SNRNP70: variants seen among roughly 807,000 people sequenced by gnomAD.
SNRNP70 encodes U1 small nuclear ribonucleoprotein 70 kDa.
SNRNP70 carries 8 observed loss-of-function variants against 50.5 expected under a neutral mutation model. That is an observed-to-expected ratio of 0.16 (90% CI 0.09 to 0.29). The LOEUF (loss-of-function observed/expected upper bound fraction) is 0.29. Among genes scored for constraint, SNRNP70 ranks in the 10% least tolerant of loss-of-function variants. The pLI is 1.00. For missense variants in SNRNP70, 529 were observed against 663.5 expected (o/e 0.80, Z 2.23); for synonymous variants, 320 against 252.9 (o/e 1.27, Z -2.52).
chr19:49,101,874 C>A lies in SNRNP70; in HGVS notation c.475+403C>A, dbSNP rs537688045. On this transcript the variant is annotated intron_variant, in intron 7 of 9. Coordinates refer to ENST00000598441, the MANE Select transcript of SNRNP70 (RefSeq NM_003089.6). ...CCTTTGAACCTGCCCTCTCTTCCCCCCCCAGTAGAACTGGGGCTGGGCCAC... is the reference window on the plus strand; with the variant it reads ...CCTTTGAACCTGCCCTCTCTTCCCCACCCAGTAGAACTGGGGCTGGGCCAC... 5.9e-5 allele frequency among the ~76,000 whole-genome samples: 9 copies of A among 152,082 alleles called. No homozygotes were observed. In the South Asian group the frequency reaches 1.7e-3, roughly 28 times the overall value.
intron 4 of SNRNP70, among the ~76,000 whole-genome samples, chr19:49,092,734 A>G (rs1428646134): frequency 6.6e-6 from 1 of 152,008 alleles, no homozygotes; most frequent in African/African-American, 2.4e-5. Context: ...TTAACCAACC[A>G]CATCCACTGT....
chr19:49,102,250 A>G, intron 7 of SNRNP70: 1 of 1,161,450 alleles, frequency 8.6e-7, no homozygotes, highest in Non-Finnish European at 1.1e-6. Flanking sequence ...GCAGCTCAGG[A>G]GCAGCGAGGC....
At chr19:49,092,184 C>G (rs1280764541) in intron 4 of SNRNP70, among the ~76,000 whole-genome samples, 2 of 152,202 alleles carry the variant, frequency 1.3e-5, no homozygotes, top group East Asian at 3.8e-4. Flanking sequence ...TCTTGGCTCA[C>G]TGCACCCTCC....
chr19:49,096,481 T>G (rs994145465), intron 4 of SNRNP70, among the ~76,000 whole-genome samples: 1 of 152,212 alleles, frequency 6.6e-6, no homozygotes, highest in Admixed American at 6.5e-5. Context: ...TAAAATATTC[T>G]TAGGCCAGGT....
At chr19:49,093,647 C>G (rs1260225550) in intron 4 of SNRNP70, among the ~76,000 whole-genome samples, 1 of 141,878 alleles carries the variant, frequency 7.0e-6, no homozygotes, top group African/African-American at 2.6e-5. Context: ...CCATTGCACT[C>G]CAGCCTGGGT....
rs376561303 is a variant in SNRNP70, at chr19:49,107,815, C to T, written c.686C>T (p.Pro229Leu). Residue 229 changes from proline to leucine, a missense_variant, in exon 10 of 10, where the codon CCG (proline) becomes CTG (leucine). Coordinates refer to ENST00000598441, the MANE Select transcript of SNRNP70 (RefSeq NM_003089.6). The surrounding 1 kb of genome is among the most constrained non-coding windows in gnomAD (Gnocchi z 6.0). ...YDERPGPSPL[P>L]HRDRDRDRER... ...TCCAGGCCCGGCCCCTCCCCGCTTC[C>T]GCACAGGGACCGGGACCGGGACCGT... 1.0e-4 allele frequency: 161 copies of T among 1,598,510 alleles called. No individual in the cohort carries two copies. The highest frequency in any genetic ancestry group is 1.3e-4 in the Non-Finnish European group (156 of 1,173,314).
rs1474360802 is a variant in SNRNP70, at chr19:49,107,901, C to T, written c.772C>T (p.Arg258Cys). 1 of 1,548,602 alleles carries T rather than the reference C, an allele frequency of 6.5e-7. No homozygotes were observed. ...RDKERERRRS[R>C]SRDRRRRSRS... is the part of the protein sequence containing the mutation. ...CAAGGAGCGAGAACGGCGACGCTCC[C>T]GCTCCCGGGACCGGCGGAGGCGCTC... The change falls in exon 10 of 10, where the codon CGC (arginine) becomes TGC (cysteine). Residue 258 changes from arginine (R) to cysteine (C), a missense_variant. This residue lies in a region of SNRNP70 where 327 missense variants were observed against 308.8 expected (regional missense o/e 1.06). Transcript: ENST00000598441. This position sits in a 1 kb window ranked among gnomAD's most constrained non-coding sequence, Gnocchi z 6.0.
intron 2 of SNRNP70, 122 bp from the exon 3 acceptor site, chr19:49,090,169 C>A: frequency 2.6e-6 from 2 of 776,434 alleles, no homozygotes; most frequent in Admixed American, 2.1e-5. Context: ...GGGAAGTGTG[C>A]GTGGATGTTT....
chr19:49,087,087 C>A (rs866113951), intron 2 of SNRNP70, among the ~76,000 whole-genome samples: 9 of 144,418 alleles, frequency 6.2e-5, no homozygotes, highest in African/African-American at 2.3e-4. Flanking sequence ...GGCTGAGGCA[C>A]GGGAATCACT....
At chr19:49,101,520 T>C in intron 7 of SNRNP70, 49 bp downstream of exon 7, 1 of 1,355,810 alleles carries the variant, frequency 7.4e-7, no homozygotes. Flanking sequence ...CTCACTTCTC[T>C]GCTGCCCCAG....
chr19:49,101,495 G>T, intron 7 of SNRNP70, 24 bp downstream of exon 7: 3 of 1,571,744 alleles, frequency 1.9e-6, no homozygotes, highest in Non-Finnish European at 2.6e-6. Context: ...GCCGAGCCCT[G>T]CCCTCTGACC....
In SNRNP70 at chr19:49,107,545, C is replaced by G; in HGVS notation, c.578-80C>G. Reference sequence around the variant, plus strand: ...CCAGGGGCTGCCTTCCTGCCCTTTGCTCTTGGAGTCGGCTCATTTCTGCTC... The same window carrying G: ...CCAGGGGCTGCCTTCCTGCCCTTTGGTCTTGGAGTCGGCTCATTTCTGCTC... On this transcript the variant is annotated intron_variant, in intron 8 of 9. Transcript: ENST00000598441. This position sits in a 1 kb window ranked among gnomAD's most constrained non-coding sequence, Gnocchi z 6.0. 1 of 1,381,678 alleles carries G rather than the reference C, an allele frequency of 7.2e-7. No homozygotes were observed. Among genetic ancestry groups the G allele is most frequent in the Non-Finnish European group, 1.0e-6 (1 of 973,432 alleles). The allele number at this position is 1,381,678 out of a possible 1,614,324, so 85.6% of individuals were successfully genotyped here.
intron 6 of SNRNP70, among the ~76,000 whole-genome samples, chr19:49,100,820 A>G (rs939651161): frequency 6.6e-6 from 1 of 151,830 alleles, no homozygotes; most frequent in African/African-American, 2.4e-5. Flanking sequence ...AAAAAAAAAA[A>G]AAAAAAGAAT....
In SNRNP70 at chr19:49,107,832, C is replaced by T. The variant is rs1297433105; in HGVS notation, c.703C>T (p.Arg235Trp). ...PSPLPHRDRD[R>W]DRERERRERS... ...CCCGCTTCCGCACAGGGACCGGGAC[C>T]GGGACCGTGAGCGGGAGCGCAGAGA... Residue 235 changes from arginine (R) to tryptophan (W), a missense_variant, in exon 10 of 10, where the codon CGG becomes TGG. Arg to Trp is a moderately radical substitution (Grantham distance 101). Transcript: ENST00000598441. This position sits in a 1 kb window ranked among gnomAD's most constrained non-coding sequence, Gnocchi z 6.0. The T allele has an allele frequency of 6.3e-7, 1 of 1,584,912 alleles. No homozygotes were observed. Among genetic ancestry groups the T allele is most frequent in the Non-Finnish European group, 8.6e-7 (1 of 1,166,098 alleles).
intron 2 of SNRNP70, among the ~76,000 whole-genome samples, chr19:49,087,942 C>T (rs1007570769): frequency 3.9e-5 from 6 of 152,012 alleles, no homozygotes; most frequent in Non-Finnish European, 7.4e-5. Context: ...CTCTGTTGCC[C>T]AGGCTGGAGT....
At position 49,092,259 on chromosome 19, in the gene SNRNP70, TCACCACGCCCAGCTA is replaced by T. The variant is rs1024755353; in HGVS notation, c.265+1740_265+1754del. 1.8e-4 allele frequency among the ~76,000 whole-genome samples: 26 copies of T among 142,318 alleles called. No individual in the cohort carries two copies. The Admixed American group carries it at 1.8e-3, about 10-fold the overall frequency. The allele number at this position is 142,318 out of a possible 152,430, so 93.4% of individuals were successfully genotyped here. The stretch of plus-strand genomic sequence containing the variant: ...AAGTAGCTGGGACTACAGGCGTGCG[TCACCACGCCCAGCTA>T]ATTTTTGTATTTTTAGTAGAGGCGG... On this transcript the variant is annotated intron_variant, in intron 4 of 9. Coordinates refer to ENST00000598441, the MANE Select transcript of SNRNP70 (RefSeq NM_003089.6).
chr19:49,107,546 T>G lies in SNRNP70; in HGVS notation c.578-79T>G. 1 of 1,391,832 alleles carries G rather than the reference T, an allele frequency of 7.2e-7. No individual in the cohort carries two copies. The highest frequency in any genetic ancestry group is 1.0e-6 in the Non-Finnish European group (1 of 982,476). The allele number at this position is 1,391,832 out of a possible 1,614,324, so 86.2% of individuals were successfully genotyped here. On this transcript the variant is annotated intron_variant, in intron 8 of 9. Coordinates refer to ENST00000598441, the MANE Select transcript of SNRNP70 (RefSeq NM_003089.6). The surrounding 1 kb of genome is among the most constrained non-coding windows in gnomAD (Gnocchi z 6.0). ...CAGGGGCTGCCTTCCTGCCCTTTGC[T>G]CTTGGAGTCGGCTCATTTCTGCTCC...
chr19:49,105,190 G>A (rs1210870626), intron 8 of SNRNP70, among the ~76,000 whole-genome samples: 1 of 152,098 alleles, frequency 6.6e-6, no homozygotes, highest in Non-Finnish European at 1.5e-5. Context: ...TGGATCACCA[G>A]CTGTGTGCCG....
intron 6 of SNRNP70, among the ~76,000 whole-genome samples, chr19:49,100,588 T>C (rs1326466930): frequency 6.6e-6 from 1 of 152,016 alleles, no homozygotes; most frequent in East Asian, 1.9e-4. Flanking sequence ...GGGCAGATCA[T>C]GAGGTCAGGA....
Sources: allele counts gnomAD v4.1 joint callset (sites outside exome capture counted in the v4.1 genomes callset), GRCh38; gene constraint gnomAD v4.1.1; regional missense constraint gnomAD v4.1.1; non-coding constraint Gnocchi (gnomAD v3.1); transcripts MANE v1.5; gene names NCBI Gene and HGNC (gene_info 2026-07-23, HGNC 2026-07-21).